Variants in PLCG2 observed in about 807,000 individuals in gnomAD.
PLCG2 encodes the protein 1-phosphatidylinositol 4,5-bisphosphate phosphodiesterase gamma-2.
PLCG2 carries 69 observed loss-of-function variants against 175.6 expected under a neutral mutation model. That is an observed-to-expected ratio of 0.39 (90% CI 0.32 to 0.48). The LOEUF (loss-of-function observed/expected upper bound fraction) is 0.48. PLCG2 is among the 20% of genes least tolerant of loss of function. The probability of loss-of-function intolerance (pLI) is 0.91; values close to 1 mark genes in which losing one functional copy is unlikely to be tolerated. For missense variants in PLCG2, 1,798 were observed against 1,650.9 expected (o/e 1.09, Z -1.54); for synonymous variants, 827 against 624.0 (o/e 1.33, Z -4.85).
intron 2 of PLCG2, among the ~76,000 whole-genome samples, chr16:81,834,840 G>T (rs1480092107): frequency 6.6e-6 from 1 of 152,210 alleles, no homozygotes; most frequent in Non-Finnish European, 1.5e-5. Flanking sequence ...GTTTTTATTT[G>T]TTCCTTTGGT....
At chr16:81,817,130 T>C (rs1229713275) in intron 2 of PLCG2, among the ~76,000 whole-genome samples, 2 of 152,016 alleles carry the variant, frequency 1.3e-5, no homozygotes, top group African/African-American at 2.4e-5. Flanking sequence ...GACAAAGCCC[T>C]CTCTTTACAA....
Position 81,958,159 on chromosome 16 carries a change from G to C in PLCG2, c.*161G>C. 1.7e-6 allele frequency: 1 copy of C among 599,724 alleles called. No homozygotes were observed. The highest frequency in any genetic ancestry group is 2.2e-5 in the South Asian group (1 of 44,886). 37.2% of individuals were successfully genotyped at this position (599,724 alleles called of 1,614,324 possible). ...CTTAAGACCCAACTGGCATGAGTTGGGGTAATTTCCTATTATTTTCATCTT... is the reference window on the plus strand; with the variant it reads ...CTTAAGACCCAACTGGCATGAGTTGCGGTAATTTCCTATTATTTTCATCTT... On this transcript the variant is annotated 3_prime_UTR_variant, in exon 33 of 33. Transcript: ENST00000564138.
At chr16:81,881,059 C>T (rs1908055568) in intron 8 of PLCG2, 106 bp downstream of exon 8, 1 of 1,171,560 alleles carries the variant, frequency 8.5e-7, no homozygotes, top group Non-Finnish European at 1.3e-6. Context: ...GCGCTGACCT[C>T]CAAAGGGGCA....
intron 12 of PLCG2, among the ~76,000 whole-genome samples, chr16:81,894,798 G>C (rs963063723): frequency 5.3e-5 from 8 of 151,668 alleles, no homozygotes; most frequent in African/African-American, 1.9e-4. Context: ...ACTTGAGCCT[G>C]GGAGGCAGAG....
At chr16:81,922,941 C>G (rs1359613888) in intron 21 of PLCG2, among the ~76,000 whole-genome samples, 1 of 152,164 alleles carries the variant, frequency 6.6e-6, no homozygotes, top group Non-Finnish European at 1.5e-5. Context: ...CTCAGTTACT[C>G]TTGCAAAATG....
chr16:81,787,795 A>G (rs1358951702), intron 2 of PLCG2, among the ~76,000 whole-genome samples: 1 of 151,890 alleles, frequency 6.6e-6, no homozygotes, highest in East Asian at 1.9e-4. Context: ...AAACCTCTCT[A>G]TTCTGGACAT....
Position 81,792,504 on chromosome 16 carries a change from A to C in PLCG2, c.193+6322A>C, listed in dbSNP as rs1425192695. Among the ~76,000 whole-genome samples the C allele has an allele frequency of 7.8e-3, 1,152 of 147,766 alleles. 31 individuals are homozygous for C. Among genetic ancestry groups the C allele is most frequent in the African/African-American group, 0.027 (1,088 of 40,178 alleles). ...TCAAAAAAAAAAAAAAAAAAAAAAAAAAAAAAAGACAAAACAAAACAAAAA... is the reference window on the plus strand; with the variant it reads ...TCAAAAAAAAAAAAAAAAAAAAAAACAAAAAAAGACAAAACAAAACAAAAA... On this transcript the variant is annotated intron_variant, in intron 2 of 32. Transcript: ENST00000564138.
chr16:81,782,448 C>T (rs897455839), intron 1 of PLCG2, among the ~76,000 whole-genome samples: 2 of 151,914 alleles, frequency 1.3e-5, no homozygotes, highest in Non-Finnish European at 2.9e-5. Flanking sequence ...GCTGTGGTGG[C>T]TGGTGCTCTC....
intron 2 of PLCG2, among the ~76,000 whole-genome samples, chr16:81,831,849 C>A (rs936959496): frequency 6.6e-6 from 1 of 152,224 alleles, no homozygotes; most frequent in Non-Finnish European, 1.5e-5. Context: ...AGCCATCCCC[C>A]AACTTTGGTT....
At chr16:81,844,184 C>T (rs1363336778) in intron 2 of PLCG2, among the ~76,000 whole-genome samples, 8 of 135,278 alleles carry the variant, frequency 5.9e-5, no homozygotes, top group African/African-American at 1.4e-4. Context: ...TTAGTAGAGA[C>T]GAGGTTTCAC....
intron 13 of PLCG2, chr16:81,898,152 A>G: frequency 4.6e-6 from 1 of 215,836 alleles, no homozygotes; most frequent in Non-Finnish European, 9.5e-6. Context: ...ACAGTCATTC[A>G]TCGAACATTA....
intron 31 of PLCG2, among the ~76,000 whole-genome samples, chr16:81,951,474 A>G (rs1911362576): frequency 1.3e-5 from 2 of 149,678 alleles, no homozygotes; most frequent in African/African-American, 4.8e-5. Flanking sequence ...TAGGATCTAG[A>G]TGGTTTTATA....
chr16:81,774,800 A>C (rs1324455941), upstream of PLCG2, among the ~76,000 whole-genome samples: 1 of 151,702 alleles, frequency 6.6e-6, no homozygotes, highest in East Asian at 1.9e-4. Context: ...ATGCAGTGGC[A>C]CATGATCTCG....
chr16:81,954,305 A>G (rs1911480255), intron 31 of PLCG2, among the ~76,000 whole-genome samples: 1 of 152,186 alleles, frequency 6.6e-6, no homozygotes, highest in African/African-American at 2.4e-5. Flanking sequence ...TACATGCCTG[A>G]GGCACTGCGC....
intron 25 of PLCG2, among the ~76,000 whole-genome samples, chr16:81,932,925 C>G (rs138733602): frequency 0.011 from 1,744 of 152,362 alleles, 12 homozygotes; most frequent in Non-Finnish European, 0.018. Flanking sequence ...TCCAGTGTCT[C>G]TGATGCCACA....
chr16:81,784,783 G>C (rs1391552649), intron 1 of PLCG2, among the ~76,000 whole-genome samples: 1 of 152,112 alleles, frequency 6.6e-6, no homozygotes, highest in Non-Finnish European at 1.5e-5. Flanking sequence ...GAGCCCAGAG[G>C]ATCTAAGTGA....
At position 81,754,677 on chromosome 16, in the gene PLCG2, TG is replaced by T. The variant is rs1909886553; in HGVS notation, c.-144-1190del. ...GGGGCCCCATGGCAGAGCTCACTAG[TG>T]GGAACCTCACGTGTCTCCCTAGCAA... On this transcript the variant is annotated intron_variant, in intron 1 of 5. Transcript: ENST00000565054. Among the ~76,000 whole-genome samples, 3 of 151,020 alleles carry T rather than the reference TG, an allele frequency of 2.0e-5. No homozygotes were observed. The East Asian group carries it at 6.0e-4, about 30-fold the overall frequency.
chr16:81,769,013 G>C (rs1219950512), intron 2 of PLCG2, among the ~76,000 whole-genome samples: 1 of 152,202 alleles, frequency 6.6e-6, no homozygotes, highest in Non-Finnish European at 1.5e-5. Context: ...TAACTGACAT[G>C]TGGTAGGTGC....
chr16:81,926,615 C>A (rs1597137026), intron 22 of PLCG2, among the ~76,000 whole-genome samples: 2 of 152,138 alleles, frequency 1.3e-5, no homozygotes, highest in African/African-American at 4.8e-5. Context: ...CTAATAAAAC[C>A]CTCTGAGGGA....
Sources: gnomAD v4.1 joint callset for allele counts (sites outside exome capture counted in the v4.1 genomes callset) on GRCh38, gnomAD v4.1.1 for gene constraint, MANE v1.5 for transcripts, NCBI Gene and HGNC (gene_info 2026-07-23, HGNC 2026-07-21) for gene names.